TUSC3: variants seen among roughly 807,000 people sequenced by gnomAD.
TUSC3 encodes tumor suppressor candidate 3.
In TUSC3, 45 loss-of-function variants were observed where a neutral mutation model predicts 44.8. The ratio of observed to expected loss-of-function variants is 1.00; its 90% CI spans 0.79 to 1.29. The LOEUF is 1.29. TUSC3 is among the 50% of genes most tolerant of loss of function. The probability of loss-of-function intolerance (pLI) is 0.00; values close to 1 mark genes in which losing one functional copy is unlikely to be tolerated. For missense variants in TUSC3, 519 were observed against 437.9 expected (o/e 1.19, Z -1.65); for synonymous variants, 212 against 152.9 (o/e 1.39, Z -2.85).
chr8:15,444,928 G>A (rs575537873), intron 1 of TUSC3, among the ~76,000 whole-genome samples: 4 of 152,290 alleles, frequency 2.6e-5, no homozygotes, highest in East Asian at 1.9e-4. Flanking sequence ...AGAGCAGAGC[G>A]CTGGTGCTGT....
intron 2 of TUSC3, among the ~76,000 whole-genome samples, chr8:15,488,588 G>T (rs1800765542): frequency 6.6e-6 from 1 of 152,144 alleles, no homozygotes; most frequent in Non-Finnish European, 1.5e-5. Context: ...TCACCAGTGT[G>T]TTGTTTATTT....
intron 1 of TUSC3, among the ~76,000 whole-genome samples, chr8:15,419,053 CA>C (rs1229895578): frequency 1.3e-5 from 2 of 152,030 alleles, no homozygotes; most frequent in African/African-American, 4.8e-5. Flanking sequence ...ATCTTGCAGC[CA>C]AATTTCATGT....
rs542729260 is a variant in TUSC3 at position 15,501,830 on chromosome 8, A to G, written n.189+18347A>G. On this transcript the variant is annotated intron_variant and non_coding_transcript_variant, in intron 2 of 5. Transcript: ENST00000503191. ...CTTTCAGAAAGTTTTTACCAAAGTC[A>G]TACTGGTAGACAGTTAAAAATCAAA... Among the ~76,000 whole-genome samples, 5 of 152,354 alleles carry G rather than the reference A, an allele frequency of 3.3e-5. No individual in the cohort carries two copies. In the East Asian group the frequency reaches 5.8e-4, roughly 18 times the overall value.
At chr8:15,643,763 G>C (rs1388025850) in intron 2 of TUSC3, among the ~76,000 whole-genome samples, 1 of 152,142 alleles carries the variant, frequency 6.6e-6, no homozygotes, top group African/African-American at 2.4e-5. Context: ...GATATGTATA[G>C]CGCAACCAGA....
chr8:15,764,178 CATA>C, intron 10 of TUSC3, 22 bp from the exon 11 acceptor site: 2 of 1,590,124 alleles, frequency 1.3e-6, no homozygotes, highest in South Asian at 2.2e-5. Flanking sequence ...ATGTTCAGCA[CATA>C]ATAATTTTCT....
chr8:15,465,036 G>A (rs1448776318), intron 1 of TUSC3, among the ~76,000 whole-genome samples: 1 of 152,100 alleles, frequency 6.6e-6, no homozygotes, highest in Admixed American at 6.6e-5. Context: ...TTTTAGTAGA[G>A]ACAGAGTTTC....
At chr8:15,588,240 T>C (rs1803676846) in intron 1 of TUSC3, among the ~76,000 whole-genome samples, 1 of 152,118 alleles carries the variant, frequency 6.6e-6, no homozygotes, top group Admixed American at 6.6e-5. Flanking sequence ...TTTTTTGTCA[T>C]TTGATACTTG....
chr8:15,704,561 C>T (rs544544571), intron 6 of TUSC3, among the ~76,000 whole-genome samples: 1 of 152,030 alleles, frequency 6.6e-6, no homozygotes, highest in South Asian at 2.1e-4. Flanking sequence ...TGTTCTCGTT[C>T]GGTTTATGAC....
At chr8:15,495,990 A>T (rs1421234919) in intron 2 of TUSC3, among the ~76,000 whole-genome samples, 2 of 152,130 alleles carry the variant, frequency 1.3e-5, no homozygotes, top group African/African-American at 4.8e-5. Context: ...CTGATTTATG[A>T]CAGTGAATCT....
intron 1 of TUSC3, among the ~76,000 whole-genome samples, chr8:15,573,216 A>ATATATATG (rs1802956522): frequency 7.2e-6 from 1 of 139,088 alleles, no homozygotes; most frequent in African/African-American, 2.8e-5. Context: ...ATATATATAT[A>ATATATATG]TATATATATA....
intron 5 of TUSC3, among the ~76,000 whole-genome samples, chr8:15,663,726 T>C (rs988457344): frequency 6.6e-6 from 1 of 151,954 alleles, no homozygotes; most frequent in Non-Finnish European, 1.5e-5. Context: ...AATTGTACTG[T>C]ATTTAAAGTT....
At position 15,689,356 on chromosome 8, in the gene TUSC3, G is replaced by A. The variant is rs75881909; in HGVS notation, c.798+15520G>A. The A allele has an allele frequency of 1.2e-3, 282 of 243,594 alleles. 6 individuals carry two copies. In the East Asian group the frequency reaches 0.031, roughly 27 times the overall value. The allele number at this position is 243,594 out of a possible 1,614,324, so 15.1% of individuals were successfully genotyped here. A position where few individuals can be genotyped will look rare whatever the true frequency, so the allele number is the denominator to read the frequency against. ...GTCAACAGCATCTGGACTCCCAGCT[G>A]TTCACCTTGTGGCTGGGGCCTGGGG... On this transcript the variant is annotated intron_variant, in intron 6 of 10. Transcript: ENST00000503731.
chr8:15,743,978 C>T (rs1028845681), intron 8 of TUSC3, among the ~76,000 whole-genome samples: 13 of 152,100 alleles, frequency 8.5e-5, no homozygotes, highest in African/African-American at 3.1e-4. Context: ...TAACATATTC[C>T]CTCTGCTACA....
chr8:15,649,442 G>T lies in TUSC3; in HGVS notation c.309-1255G>T, dbSNP rs147742795. Among the ~76,000 whole-genome samples the T allele has an allele frequency of 6.5e-3, 993 of 152,138 alleles. 10 individuals carry two copies. Among genetic ancestry groups the T allele is most frequent in the African/African-American group, 0.023 (945 of 41,508 alleles). On this transcript the variant is annotated intron_variant, in intron 2 of 10. Coordinates refer to ENST00000503731, the MANE Select transcript of TUSC3 (RefSeq NM_006765.4). ...TACTAAAAATAGAAAAAATTAGCCG[G>T]GCTTGGTGGCGGGCGCCTGTAGTCC...
intron 10 of TUSC3, among the ~76,000 whole-genome samples, chr8:15,758,445 A>T (rs2604366): frequency 4.6e-5 from 7 of 151,874 alleles, no homozygotes; most frequent in Non-Finnish European, 8.8e-5. Flanking sequence ...AATTTTTTGC[A>T]GAAAATTCAC....
At chr8:15,605,798 A>G (rs1280778940) in intron 1 of TUSC3, among the ~76,000 whole-genome samples, 2 of 152,050 alleles carry the variant, frequency 1.3e-5, no homozygotes, top group Non-Finnish European at 2.9e-5. Context: ...GTAAACAAAC[A>G]TAAGGTTGCC....
rs777854973 is a variant in TUSC3, at chr8:15,764,317, A to G, written c.*161A>G. On this transcript the variant is annotated 3_prime_UTR_variant, in exon 11 of 11. Coordinates refer to ENST00000503731, the MANE Select transcript of TUSC3 (RefSeq NM_006765.4). The stretch of plus-strand genomic sequence containing the variant: ...TTCATTCATTTCATTGTGATCAGCT[A>G]GCTTATTCTTGTGTACTTTTTTTAA... 3.8e-6 allele frequency: 5 copies of G among 1,313,392 alleles called. No individual in the cohort carries two copies. The highest frequency in any genetic ancestry group is 5.4e-6 in the Non-Finnish European group (5 of 931,060). The allele number at this position is 1,313,392 out of a possible 1,614,324, so 81.4% of individuals were successfully genotyped here. A position where few individuals can be genotyped will look rare whatever the true frequency, so the allele number is the denominator to read the frequency against.
At chr8:15,673,248 A>G (rs1808029090) in intron 5 of TUSC3, among the ~76,000 whole-genome samples, 1 of 152,040 alleles carries the variant, frequency 6.6e-6, no homozygotes, top group Non-Finnish European at 1.5e-5. Context: ...CATCTTCTGA[A>G]TTTACTGTGT....
intron 2 of TUSC3, among the ~76,000 whole-genome samples, chr8:15,499,207 C>T (rs572467042): frequency 6.6e-6 from 1 of 152,142 alleles, no homozygotes. Context: ...GTTTTACTCT[C>T]TATCCTTCTG....
Sources: allele counts gnomAD v4.1 joint callset (sites outside exome capture counted in the v4.1 genomes callset), GRCh38; gene constraint gnomAD v4.1.1; transcripts MANE v1.5; gene names NCBI Gene and HGNC (gene_info 2026-07-23, HGNC 2026-07-21).